Variants in BBS9 observed in about 807,000 individuals in gnomAD.
BBS9 encodes the protein Bardet-Biedl syndrome 9.
BBS9 carries 89 observed loss-of-function variants against 117.7 expected under a neutral mutation model. The observed-to-expected ratio is 0.76, with a 90% CI of 0.64 to 0.90. The LOEUF (loss-of-function observed/expected upper bound fraction) is 0.90, where lower values mean the gene tolerates loss of function less well. Ranked by LOEUF, BBS9 falls within the 40% of genes least tolerant of loss-of-function variation. BBS9 has a pLI of 0.00. For missense variants in BBS9, 982 were observed against 1,042.2 expected (o/e 0.94, Z 0.80); for synonymous variants, 379 against 370.9 (o/e 1.02, Z -0.25).
At chr7:33,263,283 C>T (rs1798267011) in intron 6 of BBS9, among the ~76,000 whole-genome samples, 1 of 152,082 alleles carries the variant, frequency 6.6e-6, no homozygotes, top group African/African-American at 2.4e-5. Context: ...GACCATTGTA[C>T]ATTTCAGTGC....
At chr7:33,598,036 GT>G (rs1182927947) in intron 21 of BBS9, among the ~76,000 whole-genome samples, 67 of 151,912 alleles carry the variant, frequency 4.4e-4, no homozygotes, top group African/African-American at 1.6e-3. Flanking sequence ...TCTGCCTCGG[GT>G]CCTACAGCTA....
intron 21 of BBS9, among the ~76,000 whole-genome samples, chr7:33,586,972 A>G (rs1861007299): frequency 6.6e-6 from 1 of 152,110 alleles, no homozygotes; most frequent in African/African-American, 2.4e-5. Flanking sequence ...TGATGGATCC[A>G]TTCATACGCC....
intron 20 of BBS9, among the ~76,000 whole-genome samples, chr7:33,506,257 A>G (rs1466193935): frequency 6.6e-6 from 1 of 152,198 alleles, no homozygotes; most frequent in Non-Finnish European, 1.5e-5. Flanking sequence ...GTAGAGATAT[A>G]TATGACCACC....
chr7:33,203,912 G>A (rs1301788542), intron 5 of BBS9, among the ~76,000 whole-genome samples: 10 of 150,332 alleles, frequency 6.7e-5, no homozygotes, highest in East Asian at 2.0e-4. Context: ...TAGTAGAGAC[G>A]GGGTTTCACC....
At chr7:33,157,045 C>A (rs1794196923) in intron 4 of BBS9, among the ~76,000 whole-genome samples, 1 of 152,068 alleles carries the variant, frequency 6.6e-6, no homozygotes, top group African/African-American at 2.4e-5. Context: ...GTTATAGTTA[C>A]CCAGAATACT....
intron 17 of BBS9, among the ~76,000 whole-genome samples, chr7:33,370,771 T>C (rs181516307): frequency 6.6e-6 from 1 of 152,304 alleles, no homozygotes; most frequent in African/African-American, 2.4e-5. Context: ...TAGCTCTCTC[T>C]CCCCAGTCTC....
Position 33,195,567 on chromosome 7 carries a change from T to A in BBS9, c.442+17976T>A, listed in dbSNP as rs544523781. Among the ~76,000 whole-genome samples, 21 of 152,290 alleles carry A rather than the reference T, an allele frequency of 1.4e-4. No individual in the cohort carries two copies. In the South Asian group the frequency reaches 3.9e-3, roughly 29 times the overall value. On this transcript the variant is annotated intron_variant, in intron 5 of 22. Coordinates refer to ENST00000242067, the MANE Select transcript of BBS9 (RefSeq NM_198428.3). Reference sequence around the variant, plus strand: ...ATACACTGTCTTATCTAATTGCAACTGTGTTTCTATAGATTACTCTTCCTA... The same window carrying A: ...ATACACTGTCTTATCTAATTGCAACAGTGTTTCTATAGATTACTCTTCCTA...
chr7:33,513,485 A>G lies in BBS9; in HGVS notation c.2298+7840A>G, dbSNP rs116338796. Among the ~76,000 whole-genome samples, 1,098 of 152,314 alleles carry G rather than the reference A, an allele frequency of 7.2e-3. 17 individuals carry two copies. Among genetic ancestry groups the G allele is most frequent in the African/African-American group, 0.025 (1,037 of 41,562 alleles). Reference sequence around the variant, plus strand: ...GTATACAAGTATTGCTTGATACTCCATGTATTTTCATAATGTCTCACATAA... The same window carrying G: ...GTATACAAGTATTGCTTGATACTCCGTGTATTTTCATAATGTCTCACATAA... On this transcript the variant is annotated intron_variant, in intron 20 of 22. Coordinates refer to ENST00000242067, the MANE Select transcript of BBS9 (RefSeq NM_198428.3).
intron 9 of BBS9, among the ~76,000 whole-genome samples, chr7:33,274,358 C>T (rs75708971): frequency 0.038 from 5,815 of 152,210 alleles, 203 homozygotes; most frequent in African/African-American, 0.089. Flanking sequence ...TTGTTTCAGA[C>T]GTTTCATTAA....
chr7:33,148,251 G>A (rs190617970), intron 2 of BBS9, among the ~76,000 whole-genome samples: 3 of 152,296 alleles, frequency 2.0e-5, no homozygotes, highest in African/African-American at 7.2e-5. Context: ...CTGAGAACAG[G>A]TGAAAATGCA....
At chr7:33,488,956 C>G (rs996997055) in intron 19 of BBS9, among the ~76,000 whole-genome samples, 1 of 148,082 alleles carries the variant, frequency 6.8e-6, no homozygotes, top group African/African-American at 2.5e-5. Flanking sequence ...GCGTGTTTGT[C>G]TGAGACACCA....
At chr7:33,570,131 A>G (rs1168169964) in intron 21 of BBS9, among the ~76,000 whole-genome samples, 1 of 152,208 alleles carries the variant, frequency 6.6e-6, no homozygotes, top group Non-Finnish European at 1.5e-5. Flanking sequence ...ATAAATAGTA[A>G]TAGCACCTTC....
chr7:33,377,577 T>G (rs1032173888), intron 17 of BBS9, among the ~76,000 whole-genome samples: 1 of 152,178 alleles, frequency 6.6e-6, no homozygotes, highest in African/African-American at 2.4e-5. Context: ...GTAGTTTAAT[T>G]GGAATAGTAT....
At chr7:33,341,291 C>T (rs920516219) in intron 11 of BBS9, among the ~76,000 whole-genome samples, 3 of 152,090 alleles carry the variant, frequency 2.0e-5, no homozygotes, top group East Asian at 1.9e-4. Context: ...ATAGCATTGA[C>T]GTAATACTAA....
chr7:33,181,013 G>A (rs533773906), intron 5 of BBS9, among the ~76,000 whole-genome samples: 17 of 152,204 alleles, frequency 1.1e-4, no homozygotes, highest in Non-Finnish European at 2.5e-4. Flanking sequence ...ATGATCACAA[G>A]CACTCCTACT....
chr7:33,215,133 A>G (rs536702888), intron 5 of BBS9, among the ~76,000 whole-genome samples: 211 of 152,310 alleles, frequency 1.4e-3, no homozygotes, highest in Non-Finnish European at 2.4e-3. Flanking sequence ...CAGAGCTTGC[A>G]GTGAGCTGAG....
chr7:33,244,676 C>G (rs1795061485), intron 5 of BBS9, among the ~76,000 whole-genome samples: 1 of 152,128 alleles, frequency 6.6e-6, no homozygotes, highest in Non-Finnish European at 1.5e-5. Context: ...TTTCTAGCAA[C>G]CCATTGCGGT....
intron 20 of BBS9, among the ~76,000 whole-genome samples, chr7:33,519,655 A>G (rs1176554464): frequency 6.6e-6 from 1 of 152,172 alleles, no homozygotes; most frequent in Non-Finnish European, 1.5e-5. Flanking sequence ...GCTGATTTAA[A>G]TTTTGGTTCT....
chr7:33,333,517 GA>G (rs1208148823), intron 9 of BBS9, among the ~76,000 whole-genome samples: 1 of 151,982 alleles, frequency 6.6e-6, no homozygotes, highest in East Asian at 1.9e-4. Flanking sequence ...CTCAAAAGAA[GA>G]TTTTTTTTTC....
Sources: allele counts gnomAD v4.1 joint callset (sites outside exome capture counted in the v4.1 genomes callset), GRCh38; gene constraint gnomAD v4.1.1; transcripts MANE v1.5; gene names NCBI Gene and HGNC (gene_info 2026-07-23, HGNC 2026-07-21).